Variants in ZNF543 observed in about 807,000 individuals in gnomAD.
ZNF543 encodes zinc finger protein 543.
Under a neutral mutation model 13.4 loss-of-function variants are expected in ZNF543, and 10 were observed. That is an observed-to-expected ratio of 0.75 (90% CI 0.46 to 1.26). The LOEUF (loss-of-function observed/expected upper bound fraction) is 1.26. Ranked by LOEUF, ZNF543 falls within the 50% of genes most tolerant of loss-of-function variation. The pLI is 0.00. For missense variants in ZNF543, 768 were observed against 741.2 expected (o/e 1.04, Z -0.42); for synonymous variants, 272 against 264.7 (o/e 1.03, Z -0.27).
In ZNF543 at chr19:57,327,956, C is replaced by A. The variant is rs2088133364; in HGVS notation, c.494C>A (p.Thr165Lys). 6.2e-7 allele frequency: 1 copy of A among 1,614,110 alleles called. No individual in the cohort carries two copies. Residue 165 changes from threonine to lysine, a missense_variant, in exon 4 of 4, where the codon ACA becomes AAA. Around this residue, in one of 3 missense-constraint regions of ZNF543, gnomAD observed 677 missense variants for 631.4 expected, o/e 1.07. Coordinates refer to ENST00000321545, the MANE Select transcript of ZNF543 (RefSeq NM_213598.4). ...DGLGSDDGVC[T>K]KITQKQVSTE... Reference sequence around the variant, plus strand: ...TTGGGGTCAGATGATGGTGTATGTACAAAGATTACACAGAAACAAGTTTCA... The same window carrying A: ...TTGGGGTCAGATGATGGTGTATGTAAAAAGATTACACAGAAACAAGTTTCA...
Position 57,330,152 on chromosome 19 carries a change from A to G in ZNF543, c.*887A>G, listed in dbSNP as rs1051084328. 6.6e-6 allele frequency: 1 copy of G among 152,180 alleles called. No homozygotes were observed. The highest frequency in any genetic ancestry group is 2.4e-5 in the African/African-American group (1 of 41,444). 9.4% of individuals were successfully genotyped at this position (152,180 alleles called of 1,614,324 possible). On this transcript the variant is annotated 3_prime_UTR_variant, in exon 4 of 4. Transcript: ENST00000321545. ...AGTTATGAAACACTTTTATAAGGAG[A>G]TAAGGATGTACATATGTTTGGACAC...
At chr19:57,323,223 G>T (rs1304541229) in intron 1 of ZNF543, among the ~76,000 whole-genome samples, 1 of 143,738 alleles carries the variant, frequency 7.0e-6, no homozygotes. Flanking sequence ...GACGAGTCTC[G>T]CTCTGTCACC....
Position 57,328,584 on chromosome 19 carries a change from A to G in ZNF543, c.1122A>G (p.Lys374=). The change falls in exon 4 of 4, where the codon AAA becomes AAG. Residue 374 remains lysine (K), a synonymous_variant. Coordinates refer to ENST00000321545, the MANE Select transcript of ZNF543 (RefSeq NM_213598.4). The part of the protein sequence containing the change: ...VKPFECNECG[K]AFCESADLIQ... Reference sequence around the variant, plus strand: ...CCTTTGAATGCAACGAGTGTGGAAAAGCTTTTTGCGAGAGTGCAGACCTCA... The same window carrying G: ...CCTTTGAATGCAACGAGTGTGGAAAGGCTTTTTGCGAGAGTGCAGACCTCA... 6.2e-7 allele frequency: 1 copy of G among 1,612,432 alleles called. No individual in the cohort carries two copies. The highest frequency in any genetic ancestry group is 8.5e-7 in the Non-Finnish European group (1 of 1,179,648).
chr19:57,329,398 C>CT lies in ZNF543; in HGVS notation c.*135dup. The CT allele has an allele frequency of 4.7e-6, 6 of 1,271,668 alleles. No individual in the cohort carries two copies. Among genetic ancestry groups the CT allele is most frequent in the Non-Finnish European group, 6.4e-6 (6 of 933,374 alleles). 78.8% of individuals were successfully genotyped at this position (1,271,668 alleles called of 1,614,324 possible). A position where few individuals can be genotyped will look rare whatever the true frequency, so the allele number is the denominator to read the frequency against. On this transcript the variant is annotated 3_prime_UTR_variant, in exon 4 of 4. Transcript: ENST00000321545. ...GTTAGAAATTGAACCAGCCTGGAGT[C>CT]TTATTCTCCACCTGAGAATTCACCC...
At chr19:57,326,789 C>G in intron 3 of ZNF543, 61 bp downstream of exon 3, 1 of 1,371,576 alleles carries the variant, frequency 7.3e-7, no homozygotes. Context: ...AAAGTGAACA[C>G]TGCCTCTGAA....
At position 57,328,514 on chromosome 19, in the gene ZNF543, G is replaced by A. The variant is rs1022918661; in HGVS notation, c.1052G>A (p.Arg351Gln). 24 of 1,614,072 alleles carry A rather than the reference G, an allele frequency of 1.5e-5. No homozygotes were observed. The highest frequency in any genetic ancestry group is 8.0e-5 in the African/African-American group (6 of 74,928). Residue 351 changes from arginine to glutamine, a missense_variant, in exon 4 of 4, where the codon CGG becomes CAG. This residue lies in a region of ZNF543 where 677 missense variants were observed against 631.4 expected (regional missense o/e 1.07). Transcript: ENST00000321545. ...CIECGKAFNR[R>Q]SYLTWHQQIH... ...GAGTGTGGGAAGGCCTTCAACCGCC[G>A]GTCATACCTCACGTGGCACCAACAG... is the stretch of plus-strand genomic sequence containing the variant.
At position 57,329,319 on chromosome 19, in the gene ZNF543, T is replaced by C; in HGVS notation, c.*54T>C. On this transcript the variant is annotated 3_prime_UTR_variant, in exon 4 of 4. Coordinates refer to ENST00000321545, the MANE Select transcript of ZNF543 (RefSeq NM_213598.4). The stretch of plus-strand genomic sequence containing the variant: ...ACACTGAAGAGAAACTTCATAAGCA[T>C]CCTCTCTTTGAGAAAACGTGTAATA... The C allele has an allele frequency of 6.5e-7, 1 of 1,527,128 alleles. No homozygotes were observed. The allele number at this position is 1,527,128 out of a possible 1,614,324, so 94.6% of individuals were successfully genotyped here. A position where few individuals can be genotyped will look rare whatever the true frequency, so the allele number is the denominator to read the frequency against.
intron 2 of ZNF543, among the ~76,000 whole-genome samples, chr19:57,324,976 A>T (rs568392469): frequency 2.6e-5 from 4 of 152,330 alleles, no homozygotes; most frequent in Non-Finnish European, 5.9e-5. Context: ...GGTTATAGTT[A>T]CATTGTATAA....
In ZNF543 at chr19:57,328,222, C is replaced by T. The variant is rs528534379; in HGVS notation, c.760C>T (p.Pro254Ser). 2.4e-5 allele frequency: 39 copies of T among 1,613,454 alleles called. No homozygotes were observed. In the Admixed American group the frequency reaches 2.8e-4, roughly 12 times the overall value. The stretch of plus-strand genomic sequence containing the variant: ...CCTCATCATCCACACTGGGGAGAAG[C>T]CCTATAAGTGCATGGAGTGTGGGAA... ...QHLIIHTGEK[P>S]YKCMECGKAF... The change falls in exon 4 of 4, where the codon CCC becomes TCC. Residue 254 changes from proline to serine, a missense_variant. Physicochemically the swap from Pro to Ser is moderately conservative, Grantham distance 74. Transcript: ENST00000321545.
At chr19:57,320,996 G>A (rs1034503023) in intron 1 of ZNF543, 125 bp downstream of exon 1, 1 of 1,335,472 alleles carries the variant, frequency 7.5e-7, no homozygotes, top group Non-Finnish European at 1.0e-6. Flanking sequence ...AGAAGTGGCC[G>A]TAGCTTGTCA....
chr19:57,322,954 CA>C (rs1431498063), intron 1 of ZNF543, among the ~76,000 whole-genome samples: 3 of 152,140 alleles, frequency 2.0e-5, no homozygotes, highest in Admixed American at 2.0e-4. Context: ...GACTTTTAGT[CA>C]CTTTACCATG....
In ZNF543 at chr19:57,326,696, C is replaced by T. The variant is rs1234716853; in HGVS notation, c.209C>T (p.Ala70Val). 1 of 1,613,814 alleles carries T rather than the reference C, an allele frequency of 6.2e-7. No individual in the cohort carries two copies. Among genetic ancestry groups the T allele is most frequent in the Middle Eastern group, 1.7e-4 (1 of 5,988 alleles). ...GATCACAGACAGGAGCTATGGATGG[C>T]TACAAAAGACCTCTCCCAAAGCTCC... ...QLDHRQELWMATKDLSQSSYP... is the reference protein window; with the variant it reads ...QLDHRQELWMVTKDLSQSSYP... The change falls in exon 3 of 4, where the codon GCT (alanine) becomes GTT (valine). Residue 70 changes from alanine (A) to valine (V), a missense_variant. By Grantham distance (64) the Ala-to-Val change is moderately conservative. Coordinates refer to ENST00000321545, the MANE Select transcript of ZNF543 (RefSeq NM_213598.4).
rs151229371 is a variant in ZNF543, at chr19:57,328,661, G to A, written c.1199G>A (p.Cys400Tyr). 22 of 1,613,984 alleles carry A rather than the reference G, an allele frequency of 1.4e-5. No individual in the cohort carries two copies. Among genetic ancestry groups the A allele is most frequent in the Non-Finnish European group, 1.9e-5 (22 of 1,180,040 alleles). The change falls in exon 4 of 4, where the codon TGT becomes TAT. Residue 400 changes from cysteine (C) to tyrosine (Y), a missense_variant. Cys to Tyr is a radical substitution (Grantham distance 194). This residue lies in a region of ZNF543 where 677 missense variants were observed against 631.4 expected (regional missense o/e 1.07). Transcript: ENST00000321545. ...TGEKPYKCME[C>Y]GKAFNRRSHL... is the part of the protein sequence containing the mutation. The stretch of plus-strand genomic sequence containing the variant: ...GAGAAGCCCTATAAGTGCATGGAGT[G>A]TGGGAAGGCGTTCAACCGTAGGTCA...
intron 1 of ZNF543, among the ~76,000 whole-genome samples, chr19:57,322,507 A>G (rs908772932): frequency 6.6e-6 from 1 of 151,700 alleles, no homozygotes; most frequent in Admixed American, 6.6e-5. Context: ...AAATCCTGAA[A>G]ATATTTTCAG....
At chr19:57,323,633 T>A in intron 1 of ZNF543, 49 bp from the exon 2 acceptor site, 1 of 1,603,094 alleles carries the variant, frequency 6.2e-7, no homozygotes, top group Non-Finnish European at 8.5e-7. Flanking sequence ...GTTCTAGTTG[T>A]ATTCCACAGT....
At position 57,320,533 on chromosome 19, in the gene ZNF543, T is replaced by C. The variant is rs2088082907; in HGVS notation, c.-321T>C. 8.4e-6 allele frequency: 3 copies of C among 357,434 alleles called. No individual in the cohort carries two copies. The highest frequency in any genetic ancestry group is 1.2e-4 in the East Asian group (2 of 17,082). The allele number at this position is 357,434 out of a possible 1,614,324, so 22.1% of individuals were successfully genotyped here. On this transcript the variant is annotated 5_prime_UTR_variant, in exon 1 of 4. Coordinates refer to ENST00000321545, the MANE Select transcript of ZNF543 (RefSeq NM_213598.4). ...TGGAACAGTGTGGGGCCTGGACCGC[T>C]GGGTAGGCGCGTCCAGCGGCCTGAG...
At position 57,328,693 on chromosome 19, in the gene ZNF543, AAG is replaced by A; in HGVS notation, c.1232_1233del (p.Lys411ThrfsTer13). 2.5e-6 allele frequency: 4 copies of A among 1,613,386 alleles called. No individual in the cohort carries two copies. Among genetic ancestry groups the A allele is most frequent in the Non-Finnish European group, 2.5e-6 (3 of 1,179,606 alleles). The part of the protein sequence containing the change: ...GKAFNRRSHL[K>X]QHQRIHTGEK... ...GGCGTTCAACCGTAGGTCACACCTC[AAG>A]CAGCATCAACGGATTCACACTGGGG... On this transcript the variant is annotated frameshift_variant, in exon 4 of 4. Transcript: ENST00000321545. LOFTEE classifies it low-confidence loss of function (END_TRUNC).
chr19:57,323,844 T>G, intron 2 of ZNF543, 36 bp downstream of exon 2: 1 of 1,599,298 alleles, frequency 6.3e-7, no homozygotes. Context: ...CCCTTAGGAT[T>G]GAGTTCTCCT....
At chr19:57,327,399 C>T (rs1394605545) in intron 3 of ZNF543, among the ~76,000 whole-genome samples, 1 of 148,510 alleles carries the variant, frequency 6.7e-6, no homozygotes, top group Non-Finnish European at 1.5e-5. Context: ...GGCAGGAGTG[C>T]GATGGTGCAG....
Sources: gnomAD v4.1 joint callset for allele counts (sites outside exome capture counted in the v4.1 genomes callset) on GRCh38, gnomAD v4.1.1 for gene constraint, gnomAD v4.1.1 regional missense constraint, MANE v1.5 for transcripts, NCBI Gene and HGNC (gene_info 2026-07-23, HGNC 2026-07-21) for gene names.